Variants in PIK3CA observed in about 807,000 individuals in gnomAD.
PIK3CA encodes phosphatidylinositol-4,5-bisphosphate 3-kinase catalytic subunit alpha.
A neutral mutation model predicts 138.2 loss-of-function variants in PIK3CA; 27 were observed. The observed-to-expected ratio is 0.20, with a 90% CI of 0.14 to 0.27. The LOEUF (loss-of-function observed/expected upper bound fraction) is 0.27. Ranked by LOEUF, PIK3CA falls within the 10% of genes least tolerant of loss-of-function variation. The probability of loss-of-function intolerance (pLI) is 1.00; values close to 1 mark genes in which losing one functional copy is unlikely to be tolerated. For missense variants in PIK3CA, 544 were observed against 1,277.4 expected, an observed-to-expected ratio of 0.43 and a Z score of 8.75; for synonymous variants, 358 against 413.2, an observed-to-expected ratio of 0.87 and a Z score of 1.62.
chr3:179,206,419 C>T (rs1355688213), intron 6 of PIK3CA, among the ~76,000 whole-genome samples: 1 of 152,102 alleles, frequency 6.6e-6, no homozygotes, highest in Non-Finnish European at 1.5e-5. Context: ...TGGTATGCCT[C>T]ACACTGATTA....
intron 1 of PIK3CA, among the ~76,000 whole-genome samples, chr3:179,193,380 TAGA>T (rs1287109898): frequency 1.3e-5 from 2 of 152,198 alleles, no homozygotes; most frequent in Non-Finnish European, 2.9e-5. Context: ...CAATGCTGAC[TAGA>T]AGAAGGAGAT....
At chr3:179,161,468 G>A (rs936045704) in intron 1 of PIK3CA, among the ~76,000 whole-genome samples, 13 of 152,124 alleles carry the variant, frequency 8.5e-5, no homozygotes, top group African/African-American at 2.9e-4. Context: ...AGGCCGAGGC[G>A]GGCAGATCAC....
chr3:179,202,720 T>C (rs933353634), intron 4 of PIK3CA, among the ~76,000 whole-genome samples: 1 of 152,190 alleles, frequency 6.6e-6, no homozygotes, highest in South Asian at 2.1e-4. Flanking sequence ...TTTGTAAATA[T>C]CCATAATGTT....
chr3:179,187,326 A>G (rs1724007988), intron 1 of PIK3CA, among the ~76,000 whole-genome samples: 1 of 151,966 alleles, frequency 6.6e-6, no homozygotes, highest in Admixed American at 6.6e-5. Context: ...TCACGAGGTC[A>G]GGAGATCGAG....
At chr3:179,181,418 A>G (rs922465310) in intron 1 of PIK3CA, among the ~76,000 whole-genome samples, 3 of 152,108 alleles carry the variant, frequency 2.0e-5, no homozygotes, top group East Asian at 1.9e-4. Context: ...TAATGATACT[A>G]TTGTGAGTAG....
At chr3:179,153,972 C>A (rs1723071979) in intron 1 of PIK3CA, among the ~76,000 whole-genome samples, 1 of 152,126 alleles carries the variant, frequency 6.6e-6, no homozygotes, top group African/African-American at 2.4e-5. Flanking sequence ...TCACTGTATA[C>A]CTTATTCACA....
intron 1 of PIK3CA, among the ~76,000 whole-genome samples, chr3:179,179,239 C>T (rs143269693): frequency 1.3e-5 from 2 of 152,328 alleles, no homozygotes; most frequent in Non-Finnish European, 2.9e-5. Flanking sequence ...AAACAGCCCA[C>T]ATATTCAACA....
chr3:179,198,729 T>C, intron 1 of PIK3CA, 21 bp from the exon 2 acceptor site: 1 of 625,310 alleles, frequency 1.6e-6, no homozygotes, highest in Admixed American at 3.4e-5. Flanking sequence ...TTTTAACATA[T>C]GTTTTCCTTC....
chr3:179,164,641 G>A (rs1052355596), intron 1 of PIK3CA, among the ~76,000 whole-genome samples: 7 of 152,138 alleles, frequency 4.6e-5, no homozygotes, highest in African/African-American at 1.7e-4. Context: ...GCCAAGGCGG[G>A]TGGATAACCT....
chr3:179,216,706 A>G (rs1388331514), intron 9 of PIK3CA, among the ~76,000 whole-genome samples: 44 of 152,158 alleles, frequency 2.9e-4, no homozygotes, highest in Admixed American at 2.9e-3. Context: ...AACCAGGAAA[A>G]TGTAGATAAG....
At chr3:179,187,727 T>C (rs1464650051) in intron 1 of PIK3CA, among the ~76,000 whole-genome samples, 1 of 150,676 alleles carries the variant, frequency 6.6e-6, no homozygotes, top group Non-Finnish European at 1.5e-5. Context: ...AACCTCCACC[T>C]CCCGGGTTCA....
intron 9 of PIK3CA, among the ~76,000 whole-genome samples, chr3:179,213,368 G>A (rs1042998749): frequency 5.9e-5 from 9 of 152,172 alleles, no homozygotes; most frequent in Non-Finnish European, 1.3e-4. Context: ...ATAGCCTTAC[G>A]TCTAACACAA....
At chr3:179,183,115 A>G (rs1482875798) in intron 1 of PIK3CA, among the ~76,000 whole-genome samples, 1 of 152,250 alleles carries the variant, frequency 6.6e-6, no homozygotes, top group African/African-American at 2.4e-5. Context: ...GTTGTGAAAT[A>G]GCCCTTTTGC....
chr3:179,219,818 T>C lies in PIK3CA; in HGVS notation c.1911+83T>C. On this transcript the variant is annotated intron_variant, in intron 12 of 20. Transcript: ENST00000263967. This position sits in a 1 kb window ranked among gnomAD's most constrained non-coding sequence, Gnocchi z 4.2. ...CCATACAACTTCCTTTTAAAAAACC[T>C]ACTGCACTAACTAGTTTTATGCTTA... 4.2e-6 allele frequency: 6 copies of C among 1,438,246 alleles called. No individual in the cohort carries two copies. In the South Asian group the frequency reaches 7.6e-5, roughly 18 times the overall value. 89.1% of individuals were successfully genotyped at this position (1,438,246 alleles called of 1,614,324 possible). A position where few individuals can be genotyped will look rare whatever the true frequency, so the allele number is the denominator to read the frequency against.
intron 1 of PIK3CA, among the ~76,000 whole-genome samples, chr3:179,194,447 C>G (rs1041454662): frequency 1.3e-5 from 2 of 152,064 alleles, no homozygotes; most frequent in Non-Finnish European, 2.9e-5. Flanking sequence ...TCGAACTCCT[C>G]AGCTCAAGGG....
At chr3:179,182,763 T>C (rs946468315) in intron 1 of PIK3CA, among the ~76,000 whole-genome samples, 1 of 152,192 alleles carries the variant, frequency 6.6e-6, no homozygotes, top group African/African-American at 2.4e-5. Flanking sequence ...CATTGCTTGC[T>C]TTTTAAGGTA....
At chr3:179,149,693 G>C (rs1360322392) in intron 1 of PIK3CA, 1 of 152,152 alleles carries the variant, frequency 6.6e-6, no homozygotes, top group Non-Finnish European at 1.5e-5. Context: ...TGTGTGGCCG[G>C]GGAGAACCCC....
At chr3:179,208,824 A>T (rs893248838) in intron 6 of PIK3CA, among the ~76,000 whole-genome samples, 1 of 151,658 alleles carries the variant, frequency 6.6e-6, no homozygotes, top group East Asian at 1.9e-4. Context: ...CAAATACTTT[A>T]TGTATCCATC....
In PIK3CA at chr3:179,224,083, A is replaced by G; in HGVS notation, c.2190A>G (p.Val730=). 1 of 1,556,438 alleles carries G rather than the reference A, an allele frequency of 6.4e-7. No individual in the cohort carries two copies. Among genetic ancestry groups the G allele is most frequent in the Non-Finnish European group, 8.9e-7 (1 of 1,129,258 alleles). ...KQEKKDETQK[V]QMKFLVEQMR... is the part of the protein sequence containing the mutation. ...GACTATCCTTTTTTTTTAATCAGGT[A>G]CAGATGAAGTTTTTAGTTGAGCAAA... is the stretch of plus-strand genomic sequence containing the variant. The change falls in exon 15 of 21, where the codon GTA becomes GTG. Residue 730 remains valine, a splice_region_variant and synonymous_variant. Transcript: ENST00000263967.
Sources: allele counts gnomAD v4.1 joint callset (sites outside exome capture counted in the v4.1 genomes callset), GRCh38; gene constraint gnomAD v4.1.1; non-coding constraint Gnocchi (gnomAD v3.1); transcripts MANE v1.5; gene names NCBI Gene and HGNC (gene_info 2026-07-23, HGNC 2026-07-21).